Variants in GAK observed in about 807,000 individuals in gnomAD.
The protein encoded by GAK is cyclin G associated kinase, also known as cyclin-G-associated kinase.
In GAK, 79 loss-of-function variants were observed where a neutral mutation model predicts 143.9. The ratio of observed to expected loss-of-function variants is 0.55; its 90% CI spans 0.46 to 0.66. The LOEUF (loss-of-function observed/expected upper bound fraction) is 0.66. Ranked by LOEUF, GAK falls within the 30% of genes least tolerant of loss-of-function variation. The pLI, the probability that GAK is intolerant of heterozygous loss-of-function variation, is 0.00. For synonymous variants in GAK, 881 were observed against 765.5 expected, an observed-to-expected ratio of 1.15 and a Z score of -2.49; for missense variants, 1,693 against 1,779.7, an observed-to-expected ratio of 0.95 and a Z score of 0.88.
chr4:856,567 T>TCACACCTGCTCAC (rs1560281559), intron 24 of GAK, among the ~76,000 whole-genome samples: 1 of 92,574 alleles, frequency 1.1e-5, no homozygotes, highest in East Asian at 2.9e-4. Flanking sequence ...CCACAGCTGC[T>TCACACCTGCTCAC]CACCACAGCT....
chr4:883,485 C>A (rs1715593613), intron 12 of GAK, 22 bp from the exon 13 acceptor site: 1 of 1,612,264 alleles, frequency 6.2e-7, no homozygotes, highest in Non-Finnish European at 8.5e-7. Flanking sequence ...AGACCTGCGT[C>A]AGCACCTGGG....
rs1244104191 is a variant in GAK, at chr4:849,876, T to C, written c.3834+16A>G. On this transcript the variant is annotated intron_variant, in intron 27 of 27. Coordinates refer to ENST00000314167, the MANE Select transcript of GAK (RefSeq NM_005255.4). The stretch of plus-strand genomic sequence containing the variant: ...CCCCTGAAGGCCTCAAGCGGCCGCC[T>C]GGCAGCTCTGCTCACCTTGTCGGGG... 6.6e-7 allele frequency: 1 copy of C among 1,514,456 alleles called. No individual in the cohort carries two copies. The highest frequency in any genetic ancestry group is 1.1e-5 in the South Asian group (1 of 87,352). 93.8% of individuals were successfully genotyped at this position (1,514,456 alleles called of 1,614,324 possible).
chr4:919,730 A>G (rs1723626979), intron 1 of GAK, among the ~76,000 whole-genome samples: 1 of 152,190 alleles, frequency 6.6e-6, no homozygotes, highest in South Asian at 2.1e-4. Flanking sequence ...CTGATATCTA[A>G]CATTACATCA....
chr4:890,443 G>A, intron 10 of GAK, 89 bp downstream of exon 10: 1 of 947,534 alleles, frequency 1.1e-6, no homozygotes, highest in Non-Finnish European at 1.6e-6. Flanking sequence ...CGGGAGAGAA[G>A]GACCCCAGAC....
intron 12 of GAK, 142 bp from the exon 13 acceptor site, chr4:883,605 C>A: frequency 2.2e-6 from 2 of 926,266 alleles, no homozygotes; most frequent in Middle Eastern, 2.2e-4. Context: ...CAGCCGGCCC[C>A]CTCACCCTCC....
At position 892,770 on chromosome 4, in the gene GAK, G is replaced by C. The variant is rs962567661; in HGVS notation, c.990+607C>G. Among the ~76,000 whole-genome samples, 19 of 152,344 alleles carry C rather than the reference G, an allele frequency of 1.2e-4. No homozygotes were observed. In the South Asian group the frequency reaches 3.7e-3, roughly 30 times the overall value. On this transcript the variant is annotated intron_variant, in intron 9 of 27. Transcript: ENST00000314167. ...GCTGGCTGACCTGGCTTGGACACCAGACCCCAGAAACAAAGACACAGGAGC... is the reference window on the plus strand; with the variant it reads ...GCTGGCTGACCTGGCTTGGACACCACACCCCAGAAACAAAGACACAGGAGC...
intron 12 of GAK, 133 bp from the exon 13 acceptor site, chr4:883,596 A>C (rs1715623051): frequency 9.9e-7 from 1 of 1,011,102 alleles, no homozygotes; most frequent in Non-Finnish European, 1.5e-6. Flanking sequence ...CTGCCCACAC[A>C]GCCGGCCCCC....
chr4:849,591 C>A lies in GAK; in HGVS notation c.*82G>T. ...CCCTGGCCACACCTGCTGTCGCCCA[C>A]GGGGTCCTCACGGTGGGGACCCAGG... On this transcript the variant is annotated 3_prime_UTR_variant, in exon 28 of 28. Coordinates refer to ENST00000314167, the MANE Select transcript of GAK (RefSeq NM_005255.4). The A allele has an allele frequency of 9.0e-7, 1 of 1,111,636 alleles. No individual in the cohort carries two copies. 68.9% of individuals were successfully genotyped at this position (1,111,636 alleles called of 1,614,324 possible). A position where few individuals can be genotyped will look rare whatever the true frequency, so the allele number is the denominator to read the frequency against.
chr4:912,469 G>C, intron 3 of GAK: 1 of 432,188 alleles, frequency 2.3e-6, no homozygotes, highest in South Asian at 2.4e-5. Context: ...CCATCCACTG[G>C]GCAGGGAGAC....
chr4:920,905 T>A (rs1221264983), intron 1 of GAK, among the ~76,000 whole-genome samples: 1 of 152,204 alleles, frequency 6.6e-6, no homozygotes, highest in African/African-American at 2.4e-5. Context: ...GTGTTCGTTA[T>A]GTTACTGTAT....
At chr4:884,735 G>A (rs1021388037) in intron 11 of GAK, among the ~76,000 whole-genome samples, 11 of 152,238 alleles carry the variant, frequency 7.2e-5, no homozygotes, top group Non-Finnish European at 1.3e-4. Context: ...AGCTGTGTAA[G>A]AATGGCCAAG....
At chr4:906,316 G>C (rs1301323127) in intron 4 of GAK, among the ~76,000 whole-genome samples, 1 of 152,204 alleles carries the variant, frequency 6.6e-6, no homozygotes. Context: ...AGTGTCCTCA[G>C]ATGACAAATG....
Position 849,870 on chromosome 4 carries a change from G to A in GAK, c.3834+22C>T, listed in dbSNP as rs759915372. The A allele has an allele frequency of 8.5e-6, 13 of 1,536,302 alleles. No individual in the cohort carries two copies. The South Asian group carries it at 1.2e-4, about 14-fold the overall frequency. On this transcript the variant is annotated intron_variant, in intron 27 of 27. Transcript: ENST00000314167. ...GCCCCGCCCCTGAAGGCCTCAAGCG[G>A]CCGCCTGGCAGCTCTGCTCACCTTG...
At chr4:890,848 T>C (rs1577190304) in intron 9 of GAK, among the ~76,000 whole-genome samples, 2 of 152,186 alleles carry the variant, frequency 1.3e-5, no homozygotes, top group African/African-American at 4.8e-5. Context: ...CTTGGGGCTG[T>C]TGCAGGTGCT....
At chr4:912,923 G>T in intron 2 of GAK, 129 bp from the exon 3 acceptor site, 1 of 628,978 alleles carries the variant, frequency 1.6e-6, no homozygotes, top group Non-Finnish European at 2.6e-6. Context: ...CCCCCGTTTC[G>T]TGTGTCTCCA....
intron 24 of GAK, chr4:859,347 G>A (rs2152714449): frequency 2.1e-6 from 3 of 1,430,132 alleles, no homozygotes; most frequent in Non-Finnish European, 2.8e-6. Flanking sequence ...CCTGAGGACA[G>A]GATGGATCAC....
At chr4:912,091 G>A in intron 3 of GAK, 2 of 470,840 alleles carry the variant, frequency 4.2e-6, no homozygotes, top group Non-Finnish European at 8.4e-6. Flanking sequence ...GCCCTCAGGG[G>A]GCTGTGCGCA....
At chr4:888,791 G>A in intron 11 of GAK, 56 bp downstream of exon 11, 2 of 1,560,074 alleles carry the variant, frequency 1.3e-6, no homozygotes, top group South Asian at 2.4e-5. Flanking sequence ...AAGGGCCGGG[G>A]CTGCAGCCTG....
At chr4:876,939 C>T in intron 17 of GAK, 151 bp downstream of exon 17, 1 of 621,400 alleles carries the variant, frequency 1.6e-6, no homozygotes, top group Non-Finnish European at 2.9e-6. Flanking sequence ...GCAGGGGGCG[C>T]TGTGGGGCAG....
Sources: gnomAD v4.1 joint callset for allele counts (sites outside exome capture counted in the v4.1 genomes callset) on GRCh38, gnomAD v4.1.1 for gene constraint, MANE v1.5 for transcripts, NCBI Gene and HGNC (gene_info 2026-07-23, HGNC 2026-07-21) for gene names.